CHL1: variants seen among roughly 807,000 people sequenced by gnomAD.
CHL1 encodes neural cell adhesion molecule L1-like protein.
CHL1 carries 96 observed loss-of-function variants against 141.9 expected under a neutral mutation model. That is an observed-to-expected ratio of 0.68 (90% CI 0.57 to 0.80). The LOEUF (loss-of-function observed/expected upper bound fraction) is 0.80. CHL1 is among the 30% of genes least tolerant of loss of function. The pLI is 0.00. For synonymous variants in CHL1, 613 were observed against 502.2 expected (o/e 1.22, Z -2.95); for missense variants, 1,820 against 1,457.2 (o/e 1.25, Z -4.05).
chr3:300,273 T>C (rs1698605771), intron 2 of CHL1, among the ~76,000 whole-genome samples: 1 of 152,016 alleles, frequency 6.6e-6, no homozygotes, highest in African/African-American at 2.4e-5. Flanking sequence ...AAAAAGAAAA[T>C]AAATGAACCT....
intron 15 of CHL1, among the ~76,000 whole-genome samples, chr3:367,896 C>T (rs1180648223): frequency 1.3e-5 from 2 of 152,074 alleles, no homozygotes; most frequent in East Asian, 3.9e-4. Flanking sequence ...TGGCTTCCAG[C>T]TTCATCCATG....
At position 224,524 on chromosome 3, in the gene CHL1, C is replaced by T. The variant is rs145397563; in HGVS notation, c.-174-20089C>T. On this transcript the variant is annotated intron_variant, in intron 1 of 27. Transcript: ENST00000256509. ...TCTGGTTGTTTAAAAGTAGGTGGCT[C>T]CTCCCCAACTAAGTCTCTCTCTAGC... 8.4e-4 allele frequency among the ~76,000 whole-genome samples: 128 copies of T among 151,988 alleles called. 1 individual carries two copies. In the South Asian group the frequency reaches 0.021, roughly 25 times the overall value.
chr3:274,928 CA>C (rs1408280288), intron 2 of CHL1, among the ~76,000 whole-genome samples: 1 of 152,140 alleles, frequency 6.6e-6, no homozygotes, highest in Non-Finnish European at 1.5e-5. Context: ...CTGGTGGACG[CA>C]TGTAGCTTAC....
At chr3:249,246 G>A (rs1314840420) in intron 2 of CHL1, among the ~76,000 whole-genome samples, 3 of 152,158 alleles carry the variant, frequency 2.0e-5, no homozygotes, top group East Asian at 1.9e-4. Context: ...ATGAAGCAGG[G>A]CATTAAAAAC....
intron 2 of CHL1, among the ~76,000 whole-genome samples, chr3:298,278 C>G (rs895868994): frequency 6.6e-6 from 1 of 152,174 alleles, no homozygotes; most frequent in Non-Finnish European, 1.5e-5. Flanking sequence ...GATCACAGGT[C>G]TGACCTAATA....
intron 2 of CHL1, among the ~76,000 whole-genome samples, chr3:317,747 A>G (rs1700254725): frequency 6.6e-6 from 1 of 151,534 alleles, no homozygotes; most frequent in Non-Finnish European, 1.5e-5. Flanking sequence ...ACATGGTTTA[A>G]TGTCTCCCAA....
Position 299,081 on chromosome 3 carries a change from T to C in CHL1, c.-94-20602T>C, listed in dbSNP as rs138042934. ...TTCTGCTGACATTTATTGAGTAACC[T>C]CCCATGTGCCAGACATTATCTGACG... On this transcript the variant is annotated intron_variant, in intron 2 of 27. Transcript: ENST00000256509. Among the ~76,000 whole-genome samples, 656 of 152,250 alleles carry C rather than the reference T, an allele frequency of 4.3e-3. 5 individuals are homozygous for C. Among genetic ancestry groups the C allele is most frequent in the African/African-American group, 0.015 (633 of 41,544 alleles).
At chr3:364,461 C>T (rs1486740796) in intron 14 of CHL1, among the ~76,000 whole-genome samples, 4 of 152,136 alleles carry the variant, frequency 2.6e-5, no homozygotes, top group South Asian at 2.1e-4. Context: ...CGTGAAGCCT[C>T]GAATCCAAAT....
At chr3:298,165 A>T (rs1472069386) in intron 2 of CHL1, among the ~76,000 whole-genome samples, 4 of 152,216 alleles carry the variant, frequency 2.6e-5, no homozygotes, top group Non-Finnish European at 4.4e-5. Flanking sequence ...TCTCTCTTAT[A>T]ATTTTAGTCC....
chr3:238,997 G>A (rs1444341389), intron 1 of CHL1, among the ~76,000 whole-genome samples: 1 of 151,392 alleles, frequency 6.6e-6, no homozygotes, highest in Non-Finnish European at 1.5e-5. Flanking sequence ...AAGGCATGTA[G>A]CTGCTCACAC....
chr3:319,953 T>C, intron 3 of CHL1, 86 bp downstream of exon 3: 1 of 722,470 alleles, frequency 1.4e-6, no homozygotes, highest in Non-Finnish European at 2.3e-6. Flanking sequence ...ATTGAGGATG[T>C]GACTTTTCTA....
At position 409,322 on chromosome 3, in the gene CHL1, G is replaced by A. The variant is rs1446642614; in HGVS notation, c.*3611G>A. ...CGTGTTTGTATTGTAGGTGGTGTTT[G>A]TATTATGCTTATGACTATGTATGGT... On this transcript the variant is annotated 3_prime_UTR_variant, in exon 28 of 28. Coordinates refer to ENST00000256509, the MANE Select transcript of CHL1 (RefSeq NM_006614.4). 1.3e-5 allele frequency: 2 copies of A among 152,012 alleles called. No individual in the cohort carries two copies. The highest frequency in any genetic ancestry group is 2.9e-5 in the Non-Finnish European group (2 of 67,968). 9.4% of individuals were successfully genotyped at this position (152,012 alleles called of 1,614,324 possible). A position where few individuals can be genotyped will look rare whatever the true frequency, so the allele number is the denominator to read the frequency against.
intron 2 of CHL1, among the ~76,000 whole-genome samples, chr3:289,936 T>A (rs1241878443): frequency 6.9e-6 from 1 of 144,658 alleles, no homozygotes; most frequent in Non-Finnish European, 1.5e-5. Context: ...GGTATCTTTT[T>A]TTTTTTTTTT....
intron 1 of CHL1, among the ~76,000 whole-genome samples, chr3:209,661 C>T (rs1473139120): frequency 6.6e-6 from 1 of 152,194 alleles, no homozygotes; most frequent in Non-Finnish European, 1.5e-5. Context: ...GTGTGCTGCA[C>T]CCATTAACTC....
chr3:308,522 TGATA>T (rs147303227), intron 2 of CHL1, among the ~76,000 whole-genome samples: 328 of 151,806 alleles, frequency 2.2e-3, no homozygotes, highest in Middle Eastern at 3.5e-3. Context: ...GATAGACAGC[TGATA>T]GATAGATAGA....
intron 2 of CHL1, among the ~76,000 whole-genome samples, chr3:289,183 C>A (rs1663877278): frequency 1.3e-5 from 2 of 152,150 alleles, no homozygotes; most frequent in South Asian, 4.1e-4. Context: ...AAAAGGGAGT[C>A]ATGAAACAAA....
At chr3:336,559 G>T (rs571737494) in intron 5 of CHL1, among the ~76,000 whole-genome samples, 4 of 152,176 alleles carry the variant, frequency 2.6e-5, no homozygotes, top group African/African-American at 9.6e-5. Context: ...CTAGAGAGAT[G>T]AATTCAAAGG....
chr3:293,533 T>C (rs974543869), intron 2 of CHL1, among the ~76,000 whole-genome samples: 2 of 151,960 alleles, frequency 1.3e-5, no homozygotes, highest in Non-Finnish European at 2.9e-5. Context: ...CCTAATTGAA[T>C]CTTTCCCCCT....
At chr3:361,531 G>A (rs556944134) in intron 12 of CHL1, among the ~76,000 whole-genome samples, 168 bp from the exon 13 acceptor site, 1 of 152,112 alleles carries the variant, frequency 6.6e-6, no homozygotes, top group Non-Finnish European at 1.5e-5. Context: ...ACAAGAAATT[G>A]TACTTTCAAA....
Sources: gnomAD v4.1 joint callset for allele counts (sites outside exome capture counted in the v4.1 genomes callset) on GRCh38, gnomAD v4.1.1 for gene constraint, MANE v1.5 for transcripts, NCBI Gene and HGNC (gene_info 2026-07-23, HGNC 2026-07-21) for gene names.